GRIN2A: variants seen among roughly 807,000 people sequenced by gnomAD.
GRIN2A encodes glutamate receptor ionotropic, NMDA 2A.
A neutral mutation model predicts 113.4 loss-of-function variants in GRIN2A; 22 were observed. The ratio of observed to expected loss-of-function variants is 0.19; its 90% CI spans 0.14 to 0.28. GRIN2A has a LOEUF of 0.28. GRIN2A is among the 10% of genes least tolerant of loss of function. The pLI is 1.00. For missense variants in GRIN2A, 1,502 were observed against 1,887.0 expected, an observed-to-expected ratio of 0.80 and a Z score of 3.78; for synonymous variants, 827 against 738.4, an observed-to-expected ratio of 1.12 and a Z score of -1.94.
chr16:10,017,678 C>T (rs562582289), intron 2 of GRIN2A, among the ~76,000 whole-genome samples: 30 of 152,104 alleles, frequency 2.0e-4, no homozygotes, highest in Non-Finnish European at 4.3e-4. Flanking sequence ...ATACATTGGT[C>T]ATCATAACCA....
At chr16:10,163,069 T>C (rs1049779564) in intron 2 of GRIN2A, among the ~76,000 whole-genome samples, 1 of 152,170 alleles carries the variant, frequency 6.6e-6, no homozygotes, top group Admixed American at 6.5e-5. Flanking sequence ...AATGAGCACA[T>C]CACACCCCAA....
At chr16:10,156,984 G>A (rs943668812) in intron 2 of GRIN2A, among the ~76,000 whole-genome samples, 1 of 152,168 alleles carries the variant, frequency 6.6e-6, no homozygotes, top group Admixed American at 6.5e-5. Flanking sequence ...GTGGTGATGG[G>A]GGGCAGACTG....
At chr16:10,109,032 A>AC (rs2048556893) in intron 2 of GRIN2A, among the ~76,000 whole-genome samples, 1 of 131,206 alleles carries the variant, frequency 7.6e-6, no homozygotes, top group South Asian at 2.4e-4. Flanking sequence ...AAAAAAAAAA[A>AC]AAACAAAATT....
intron 2 of GRIN2A, among the ~76,000 whole-genome samples, chr16:10,082,864 C>A (rs1239851154): frequency 6.6e-6 from 1 of 152,260 alleles, no homozygotes; most frequent in Non-Finnish European, 1.5e-5. Flanking sequence ...ACCAGACATT[C>A]TCCCACATGG....
intron 2 of GRIN2A, among the ~76,000 whole-genome samples, chr16:10,137,354 C>G (rs1418795194): frequency 6.6e-6 from 1 of 152,204 alleles, no homozygotes; most frequent in Non-Finnish European, 1.5e-5. Flanking sequence ...GCAGGCCTGA[C>G]TCTAAAGTCA....
intron 2 of GRIN2A, among the ~76,000 whole-genome samples, chr16:10,053,385 C>G (rs1274272231): frequency 6.6e-6 from 1 of 152,174 alleles, no homozygotes. Context: ...TCACAACAAC[C>G]CTCTATGAAT....
chr16:9,846,111 A>C (rs1413429526), intron 5 of GRIN2A, among the ~76,000 whole-genome samples: 1 of 152,242 alleles, frequency 6.6e-6, no homozygotes, highest in Non-Finnish European at 1.5e-5. Flanking sequence ...TCCTGACCCC[A>C]AAACATGGTC....
intron 2 of GRIN2A, among the ~76,000 whole-genome samples, chr16:10,012,226 G>C (rs1188719513): frequency 6.6e-6 from 1 of 152,172 alleles, no homozygotes. Context: ...GTACAGAACA[G>C]AGCACAGATT....
intron 11 of GRIN2A, among the ~76,000 whole-genome samples, chr16:9,794,953 G>T (rs1055032489): frequency 6.6e-5 from 10 of 152,086 alleles, no homozygotes; most frequent in African/African-American, 2.2e-4. Context: ...GAGGAGGGTG[G>T]TGGTGATGGC....
chr16:10,156,810 G>A (rs1257104492), intron 2 of GRIN2A, among the ~76,000 whole-genome samples: 1 of 152,080 alleles, frequency 6.6e-6, no homozygotes, highest in Non-Finnish European at 1.5e-5. Context: ...TATTTCATTC[G>A]ATCCTAATAA....
Position 9,755,730 on chromosome 16 carries a change from C to T in GRIN2A, c.*7419G>A. The T allele has an allele frequency of 9.5e-6, 2 of 210,344 alleles. No homozygotes were observed. Among genetic ancestry groups the T allele is most frequent in the African/African-American group, 2.3e-5 (1 of 44,068 alleles). 13.0% of individuals were successfully genotyped at this position (210,344 alleles called of 1,614,324 possible). On this transcript the variant is annotated 3_prime_UTR_variant, in exon 13 of 13. Transcript: ENST00000330684. Reference sequence around the variant, plus strand: ...CCTGCAGGATATGTTAAACATTAGGCCATTCTGGGTACCTATAAAGCCCGG... The same window carrying T: ...CCTGCAGGATATGTTAAACATTAGGTCATTCTGGGTACCTATAAAGCCCGG...
chr16:10,024,274 A>G (rs2141904703), intron 2 of GRIN2A, among the ~76,000 whole-genome samples: 1 of 152,306 alleles, frequency 6.6e-6, no homozygotes, highest in South Asian at 2.1e-4. Flanking sequence ...CCCAGGCTGG[A>G]GTGCAGTGGC....
chr16:9,897,688 T>C (rs2043834351), intron 3 of GRIN2A, among the ~76,000 whole-genome samples: 2 of 152,192 alleles, frequency 1.3e-5, no homozygotes, highest in African/African-American at 2.4e-5. Flanking sequence ...TTAAAATTAA[T>C]TTTATCTGCT....
chr16:9,769,095 C>A lies in GRIN2A; in HGVS notation c.2357-6G>T, dbSNP rs775706302. 1.2e-6 allele frequency: 2 copies of A among 1,604,066 alleles called. No individual in the cohort carries two copies. Among genetic ancestry groups the A allele is most frequent in the South Asian group, 1.1e-5 (1 of 90,890 alleles). ...CTCCAGCTCCTCCATCTCACCTGGA[C>A]AGATCACAACATTCACAGGCAGTGA... is the stretch of plus-strand genomic sequence containing the variant. On this transcript the variant is annotated splice_polypyrimidine_tract_variant and splice_region_variant and intron_variant, in intron 11 of 12. Coordinates refer to ENST00000330684, the MANE Select transcript of GRIN2A (RefSeq NM_001134407.3).
intron 2 of GRIN2A, among the ~76,000 whole-genome samples, chr16:9,996,479 G>T (rs972806220): frequency 1.3e-5 from 2 of 152,170 alleles, no homozygotes; most frequent in African/African-American, 4.8e-5. Context: ...CACTGTAATC[G>T]TTAAGGGAGA....
intron 2 of GRIN2A, among the ~76,000 whole-genome samples, chr16:10,171,739 A>T (rs1070548): frequency 6.6e-6 from 1 of 152,034 alleles, no homozygotes; most frequent in African/African-American, 2.4e-5. Flanking sequence ...AAATGCAGAC[A>T]CAATAACAAT....
At position 9,763,404 on chromosome 16, in the gene GRIN2A, C is replaced by T. The variant is rs373901698; in HGVS notation, c.4140G>A (p.Gly1380=). The T allele has an allele frequency of 1.2e-6, 2 of 1,613,976 alleles. No individual in the cohort carries two copies. The highest frequency in any genetic ancestry group is 1.7e-6 in the Non-Finnish European group (2 of 1,180,022). The part of the protein sequence containing the change: ...SHRDDQRLVI[G]RCPSDPYKHS... ...GTTTGTAAGGGTCCGAGGGGCATCT[C>T]CCAATAACCAAGCGTTGGTCATCCC... Residue 1380 remains glycine, a synonymous_variant, in exon 13 of 13, where the codon GGG becomes GGA. Coordinates refer to ENST00000330684, the MANE Select transcript of GRIN2A (RefSeq NM_001134407.3).
chr16:10,114,969 T>C (rs191367472), intron 2 of GRIN2A, among the ~76,000 whole-genome samples: 1 of 152,260 alleles, frequency 6.6e-6, no homozygotes, highest in Non-Finnish European at 1.5e-5. Flanking sequence ...CTGTCAACAC[T>C]GGACCCACGT....
Position 9,762,357 on chromosome 16 carries a change from A to G in GRIN2A, c.*792T>C. ...ATCCACACTTAGATCTCGGAGACAT[A>G]AATGTGTTAGTTTATGCAGCTCTGA... On this transcript the variant is annotated 3_prime_UTR_variant, in exon 13 of 13. Transcript: ENST00000330684. The G allele has an allele frequency of 8.8e-6, 2 of 226,854 alleles. No homozygotes were observed. Among genetic ancestry groups the G allele is most frequent in the Non-Finnish European group, 1.8e-5 (2 of 113,726 alleles). 14.1% of individuals were successfully genotyped at this position (226,854 alleles called of 1,614,324 possible).
Sources: gnomAD v4.1 joint callset for allele counts (sites outside exome capture counted in the v4.1 genomes callset) on GRCh38, gnomAD v4.1.1 for gene constraint, MANE v1.5 for transcripts, NCBI Gene and HGNC (gene_info 2026-07-23, HGNC 2026-07-21) for gene names.